The following FSTL5 variants were observed in gnomAD, a reference collection of about 807,000 sequenced individuals.
FSTL5 encodes the protein follistatin-related protein 5.
Under a neutral mutation model 89.1 loss-of-function variants are expected in FSTL5, and 62 were observed. The observed-to-expected ratio is 0.70, with a 90% CI of 0.57 to 0.86. FSTL5 has a LOEUF of 0.86. FSTL5 is among the 40% of genes least tolerant of loss of function. The probability of loss-of-function intolerance (pLI) is 0.00; values close to 1 mark genes in which losing one functional copy is unlikely to be tolerated. For synonymous variants in FSTL5, 383 were observed against 346.2 expected (o/e 1.11, Z -1.18); for missense variants, 1,057 against 1,001.6 (o/e 1.06, Z -0.75).
intron 10 of FSTL5, among the ~76,000 whole-genome samples, chr4:161,513,494 G>A (rs186769043): frequency 6.6e-6 from 1 of 152,234 alleles, no homozygotes; most frequent in East Asian, 1.9e-4. Context: ...ACCCAAATGT[G>A]TATAAATGTA....
intron 3 of FSTL5, among the ~76,000 whole-genome samples, chr4:161,946,240 C>T (rs1222081995): frequency 6.6e-6 from 1 of 152,090 alleles, no homozygotes. Flanking sequence ...TGTCTGGTGC[C>T]TTGTGAACTT....
chr4:161,846,363 C>T (rs986164731), intron 4 of FSTL5, among the ~76,000 whole-genome samples: 2 of 148,172 alleles, frequency 1.3e-5, no homozygotes, highest in Non-Finnish European at 2.9e-5. Flanking sequence ...GTTACAAATT[C>T]TTCTCATTAA....
chr4:161,525,865 T>G (rs1398176043), intron 10 of FSTL5, among the ~76,000 whole-genome samples: 1 of 152,160 alleles, frequency 6.6e-6, no homozygotes, highest in East Asian at 1.9e-4. Flanking sequence ...CATTCTCTAT[T>G]ATTTTAGGTA....
intron 2 of FSTL5, among the ~76,000 whole-genome samples, chr4:162,052,283 A>C (rs1400521423): frequency 1.3e-5 from 2 of 151,574 alleles, no homozygotes; most frequent in African/African-American, 4.8e-5. Context: ...AACAAACAAC[A>C]ACAAAAAAAT....
intron 4 of FSTL5, among the ~76,000 whole-genome samples, chr4:161,878,023 A>G (rs1732505448): frequency 6.6e-6 from 1 of 152,034 alleles, no homozygotes; most frequent in Admixed American, 6.5e-5. Context: ...AGATTTACAA[A>G]TGTATTTATG....
intron 15 of FSTL5, among the ~76,000 whole-genome samples, chr4:161,400,681 A>G (rs543274086): frequency 6.6e-6 from 1 of 152,290 alleles, no homozygotes; most frequent in South Asian, 2.1e-4. Flanking sequence ...ATATAGAAAC[A>G]TTGACAGTGT....
At chr4:161,682,131 A>G (rs148223025) in intron 6 of FSTL5, among the ~76,000 whole-genome samples, 2 of 152,312 alleles carry the variant, frequency 1.3e-5, no homozygotes, top group East Asian at 1.9e-4. Flanking sequence ...TATTGCTTAA[A>G]ATATTAAAAA....
chr4:161,776,530 CGTATATGCATACATATACGTATGTATAT>C (rs1402746321), intron 4 of FSTL5, among the ~76,000 whole-genome samples: 103 of 100,952 alleles, frequency 1.0e-3, no homozygotes, highest in African/African-American at 1.0e-2. Context: ...TATATATGTA[CGTATATGCATACATATACGTATGTATAT>C]ATGTATATAT....
chr4:161,783,681 T>C lies in FSTL5; in HGVS notation c.410-7607A>G, dbSNP rs373959701. Among the ~76,000 whole-genome samples the C allele has an allele frequency of 2.5e-3, 58 of 23,056 alleles. 1 individual carries two copies. Among genetic ancestry groups the C allele is most frequent in the Admixed American group, 5.9e-3 (10 of 1,688 alleles). The allele number at this position is 23,056 out of a possible 152,430, so 15.1% of individuals were successfully genotyped here. ...TTTCTTTCTCTTTCTTTCTTTCTCT[T>C]TCTTTCTTTCTTTCTTTCTTTCTTT... On this transcript the variant is annotated intron_variant, in intron 4 of 15. Transcript: ENST00000306100.
At chr4:161,908,027 T>G (rs1229210595) in intron 4 of FSTL5, among the ~76,000 whole-genome samples, 3 of 152,060 alleles carry the variant, frequency 2.0e-5, no homozygotes, top group Non-Finnish European at 4.4e-5. Flanking sequence ...GGAAACATGT[T>G]TCATTTACAA....
At chr4:161,714,355 G>A (rs952184602) in intron 6 of FSTL5, among the ~76,000 whole-genome samples, 2 of 151,980 alleles carry the variant, frequency 1.3e-5, no homozygotes, top group South Asian at 2.1e-4. Context: ...TGTTTGTTTC[G>A]GTTAAAAGTG....
intron 7 of FSTL5, among the ~76,000 whole-genome samples, chr4:161,643,369 G>T (rs1736033638): frequency 6.6e-6 from 1 of 152,014 alleles, no homozygotes; most frequent in Admixed American, 6.6e-5. Flanking sequence ...TCTTAGAAGT[G>T]TCCTATGGCC....
At chr4:162,158,419 C>T (rs1579072386) in intron 1 of FSTL5, among the ~76,000 whole-genome samples, 1 of 151,936 alleles carries the variant, frequency 6.6e-6, no homozygotes, top group Non-Finnish European at 1.5e-5. Context: ...AGTGTGTATA[C>T]TAAAGAATAT....
intron 2 of FSTL5, among the ~76,000 whole-genome samples, chr4:162,051,264 T>C (rs1313729302): frequency 6.6e-6 from 1 of 151,546 alleles, no homozygotes; most frequent in Non-Finnish European, 1.5e-5. Flanking sequence ...ATCATCAACA[T>C]ATAATCATCT....
chr4:161,462,836 A>G (rs1250079652), intron 13 of FSTL5, among the ~76,000 whole-genome samples: 4 of 152,116 alleles, frequency 2.6e-5, no homozygotes, highest in African/African-American at 9.7e-5. Flanking sequence ...GACCTAGAAG[A>G]GAAAATAAAC....
intron 2 of FSTL5, among the ~76,000 whole-genome samples, chr4:162,058,120 A>G (rs1387116607): frequency 1.3e-5 from 2 of 152,148 alleles, no homozygotes; most frequent in Non-Finnish European, 2.9e-5. Context: ...GGATAGTAAG[A>G]TACATGTACA....
At chr4:161,914,964 T>C (rs7668278) in intron 4 of FSTL5, among the ~76,000 whole-genome samples, 111,073 of 151,996 alleles carry the variant, frequency 0.73, 41,322 homozygotes, top group Middle Eastern at 0.83. Flanking sequence ...TAGAAATCAC[T>C]ATTAAAAGTA....
At chr4:162,152,226 A>T (rs1295122413) in intron 1 of FSTL5, among the ~76,000 whole-genome samples, 1 of 152,232 alleles carries the variant, frequency 6.6e-6, no homozygotes, top group Non-Finnish European at 1.5e-5. Flanking sequence ...TGAATTGTAA[A>T]GAAGTAGACT....
chr4:161,526,551 G>A (rs561698645), intron 10 of FSTL5, among the ~76,000 whole-genome samples: 28 of 152,270 alleles, frequency 1.8e-4, no homozygotes, highest in African/African-American at 6.7e-4. Flanking sequence ...TAATGCCTAG[G>A]TTTTCTTCTA....
Sources: gnomAD v4.1 joint callset for allele counts (sites outside exome capture counted in the v4.1 genomes callset) on GRCh38, gnomAD v4.1.1 for gene constraint, MANE v1.5 for transcripts, NCBI Gene and HGNC (gene_info 2026-07-23, HGNC 2026-07-21) for gene names.